RALYL: variants seen among roughly 807,000 people sequenced by gnomAD.
The protein encoded by RALYL is RNA-binding Raly-like protein.
Under a neutral mutation model 35.1 loss-of-function variants are expected in RALYL, and 29 were observed. The ratio of observed to expected loss-of-function variants is 0.83; its 90% CI spans 0.61 to 1.13. The LOEUF is 1.13. Ranked by LOEUF, RALYL falls within the 50% of genes most tolerant of loss-of-function variation. RALYL has a pLI of 0.00. For missense variants in RALYL, 359 were observed against 360.4 expected (o/e 1.00, Z 0.03); for synonymous variants, 120 against 127.6 (o/e 0.94, Z 0.40).
intron 2 of RALYL, among the ~76,000 whole-genome samples, chr8:84,595,765 T>C (rs896907494): frequency 7.5e-6 from 1 of 133,460 alleles, no homozygotes; most frequent in Non-Finnish European, 1.5e-5. Flanking sequence ...AACCATAAGT[T>C]TTTTTTTTTT....
chr8:84,705,834 C>G (rs1003279669), intron 2 of RALYL: 63 of 1,180,170 alleles, frequency 5.3e-5, no homozygotes, highest in Non-Finnish European at 6.4e-5. Flanking sequence ...TTACATTAAA[C>G]AGAGTAGTTA....
chr8:84,631,631 A>G (rs535669178), intron 2 of RALYL, among the ~76,000 whole-genome samples: 1 of 151,936 alleles, frequency 6.6e-6, no homozygotes, highest in African/African-American at 2.4e-5. Flanking sequence ...AGATCTGTAC[A>G]TAAGTGTAGA....
At chr8:84,287,810 C>A (rs1195396255) in intron 1 of RALYL, among the ~76,000 whole-genome samples, 2 of 151,988 alleles carry the variant, frequency 1.3e-5, no homozygotes, top group African/African-American at 4.8e-5. Flanking sequence ...GAAATGGGGT[C>A]ATTTGGGGGA....
chr8:84,573,856 A>G (rs1038849252), intron 2 of RALYL, among the ~76,000 whole-genome samples: 23 of 151,626 alleles, frequency 1.5e-4, no homozygotes, highest in African/African-American at 5.3e-4. Context: ...CACAAGTTCA[A>G]TTTTTTCTTT....
intron 6 of RALYL, chr8:84,864,851 A>G: frequency 1.9e-6 from 1 of 521,654 alleles, no homozygotes; most frequent in Non-Finnish European, 3.6e-6. Flanking sequence ...CCCAGAGAGT[A>G]CCCAGAAACA....
intron 1 of RALYL, among the ~76,000 whole-genome samples, chr8:84,310,007 G>A (rs1280333446): frequency 5.9e-5 from 9 of 151,788 alleles, no homozygotes; most frequent in South Asian, 2.1e-4. Flanking sequence ...AATTACAGGC[G>A]TGAGCCACAG....
At chr8:84,392,548 G>C (rs1860933015) in intron 1 of RALYL, among the ~76,000 whole-genome samples, 1 of 152,020 alleles carries the variant, frequency 6.6e-6, no homozygotes, top group Non-Finnish European at 1.5e-5. Context: ...CTCTGTATGT[G>C]GAATTTTAGA....
chr8:84,587,750 G>A (rs1187125218), intron 2 of RALYL, among the ~76,000 whole-genome samples: 1 of 152,178 alleles, frequency 6.6e-6, no homozygotes, highest in Non-Finnish European at 1.5e-5. Flanking sequence ...GACTTTCCAT[G>A]TGTCTCAGTT....
chr8:84,534,452 T>A (rs2059469303), intron 2 of RALYL, among the ~76,000 whole-genome samples: 1 of 152,238 alleles, frequency 6.6e-6, no homozygotes, highest in African/African-American at 2.4e-5. Flanking sequence ...TATTATTTTG[T>A]AATTGATATC....
Position 84,851,009 on chromosome 8 carries a change from A to T in RALYL, c.413+982A>T, listed in dbSNP as rs1326766676. ...TGAGTAGAGGAGTATCAATATCCCT[A>T]TAATGAGCTATTTCTTCTGTAATTT... On this transcript the variant is annotated intron_variant, in intron 5 of 8. Transcript: ENST00000521268. Among the ~76,000 whole-genome samples, 9 of 152,152 alleles carry T rather than the reference A, an allele frequency of 5.9e-5. No homozygotes were observed. In the East Asian group the frequency reaches 1.7e-3, roughly 29 times the overall value.
chr8:84,599,178 T>G (rs1016792513), intron 2 of RALYL, among the ~76,000 whole-genome samples: 3 of 152,090 alleles, frequency 2.0e-5, no homozygotes, highest in African/African-American at 7.2e-5. Flanking sequence ...TTTAAACAAC[T>G]CTGCTTGCCA....
chr8:84,703,494 G>T (rs1186991351), intron 2 of RALYL, among the ~76,000 whole-genome samples: 1 of 152,136 alleles, frequency 6.6e-6, no homozygotes, highest in Non-Finnish European at 1.5e-5. Flanking sequence ...GATGAGGCTG[G>T]AGGGTGGGGG....
At chr8:84,473,800 TCTA>T (rs1238633145) in intron 1 of RALYL, among the ~76,000 whole-genome samples, 6 of 152,072 alleles carry the variant, frequency 3.9e-5, no homozygotes, top group African/African-American at 1.4e-4. Flanking sequence ...ATTAATATGT[TCTA>T]CACTATATCT....
chr8:84,872,986 T>G (rs368457012), intron 6 of RALYL: 19 of 230,230 alleles, frequency 8.3e-5, no homozygotes, highest in African/African-American at 4.3e-4. Context: ...TTTTGTAAAA[T>G]TTAGCATCAT....
intron 1 of RALYL, chr8:84,184,866 G>T: frequency 1.9e-6 from 2 of 1,071,466 alleles, no homozygotes; most frequent in Non-Finnish European, 2.8e-6. Flanking sequence ...GGGAGATGGG[G>T]GTAGAAGCGG....
chr8:84,603,273 C>T (rs1816369479), intron 2 of RALYL, among the ~76,000 whole-genome samples: 1 of 151,976 alleles, frequency 6.6e-6, no homozygotes, highest in Non-Finnish European at 1.5e-5. Flanking sequence ...GACACACTGA[C>T]TATTGCTTCT....
chr8:84,559,064 G>A (rs1441785015), intron 2 of RALYL, among the ~76,000 whole-genome samples: 1 of 151,766 alleles, frequency 6.6e-6, no homozygotes, highest in Non-Finnish European at 1.5e-5. Context: ...ACCCAAAATA[G>A]CACTTTCTGT....
chr8:84,540,601 C>A (rs1384259081), intron 2 of RALYL, among the ~76,000 whole-genome samples: 2 of 151,712 alleles, frequency 1.3e-5, no homozygotes, highest in Non-Finnish European at 2.9e-5. Flanking sequence ...CCTCTATGTT[C>A]ATGATAAACT....
chr8:84,863,939 A>G (rs1360069455), intron 6 of RALYL, among the ~76,000 whole-genome samples: 4 of 152,226 alleles, frequency 2.6e-5, no homozygotes, highest in African/African-American at 4.8e-5. Context: ...GGTCACCCCA[A>G]TGTGGAGTAT....
Sources: allele counts gnomAD v4.1 joint callset (sites outside exome capture counted in the v4.1 genomes callset), GRCh38; gene constraint gnomAD v4.1.1; transcripts MANE v1.5; gene names NCBI Gene and HGNC (gene_info 2026-07-23, HGNC 2026-07-21).